The following PLCB1 variants were observed in gnomAD, a reference collection of about 807,000 sequenced individuals.
PLCB1 encodes phospholipase C beta 1, also known as 1-phosphatidylinositol 4,5-bisphosphate phosphodiesterase beta-1.
Under a neutral mutation model 161.8 loss-of-function variants are expected in PLCB1, and 46 were observed. The ratio of observed to expected loss-of-function variants is 0.28; its 90% CI spans 0.22 to 0.36. PLCB1 has a LOEUF of 0.36. Among genes scored for constraint, PLCB1 ranks in the 10% least tolerant of loss-of-function variants. PLCB1 has a pLI of 1.00. For synonymous variants in PLCB1, 517 were observed against 503.7 expected (o/e 1.03, Z -0.35); for missense variants, 1,016 against 1,472.5 (o/e 0.69, Z 5.07).
At chr20:8,697,864 C>T in intron 11 of PLCB1, 81 bp downstream of exon 11, 1 of 1,277,792 alleles carries the variant, frequency 7.8e-7, no homozygotes, top group African/African-American at 1.5e-5. Flanking sequence ...GGTAGAAAGT[C>T]CCAGTGGTCA....
At chr20:8,672,392 T>G (rs73598298) in intron 9 of PLCB1, among the ~76,000 whole-genome samples, 11,901 of 139,216 alleles carry the variant, frequency 0.085, 645 homozygotes, top group East Asian at 0.17. Context: ...CACTTTCCTG[T>G]TATACTCTTT....
intron 2 of PLCB1, among the ~76,000 whole-genome samples, chr20:8,176,990 A>G (rs957054476): frequency 1.3e-5 from 2 of 152,298 alleles, no homozygotes; most frequent in East Asian, 3.9e-4. Context: ...AATCAGTAGT[A>G]TAATATTATG....
chr20:8,795,705 A>G (rs1420291407), intron 31 of PLCB1, among the ~76,000 whole-genome samples: 2 of 152,114 alleles, frequency 1.3e-5, no homozygotes, highest in African/African-American at 4.8e-5. Flanking sequence ...GGGAAACCCC[A>G]TCTCTACCAA....
In PLCB1 at chr20:8,410,795, A is replaced by T. The variant is rs141888258; in HGVS notation, c.246+39345A>T. 1.6e-4 allele frequency among the ~76,000 whole-genome samples: 25 copies of T among 152,282 alleles called. No individual in the cohort carries two copies. In the East Asian group the frequency reaches 4.1e-3, roughly 25 times the overall value. On this transcript the variant is annotated intron_variant, in intron 3 of 31. Transcript: ENST00000338037. ...ATCTTGAGAGGAAAAGATCATCCTG[A>T]ATTACCCAGGTGTGTCCTAAATCCA... is the stretch of plus-strand genomic sequence containing the variant.
At chr20:8,412,448 C>T (rs1979086839) in intron 3 of PLCB1, among the ~76,000 whole-genome samples, 1 of 152,206 alleles carries the variant, frequency 6.6e-6, no homozygotes, top group Admixed American at 6.5e-5. Context: ...TCATTTTCCT[C>T]TTCTATCTGA....
intron 31 of PLCB1, among the ~76,000 whole-genome samples, chr20:8,852,036 A>C (rs1986906743): frequency 6.6e-6 from 1 of 152,208 alleles, no homozygotes; most frequent in Admixed American, 6.5e-5. Flanking sequence ...AACAACAAAA[A>C]AAGAAGCCAG....
At chr20:8,286,859 T>A (rs1436571208) in intron 2 of PLCB1, among the ~76,000 whole-genome samples, 1 of 152,162 alleles carries the variant, frequency 6.6e-6, no homozygotes, top group Non-Finnish European at 1.5e-5. Context: ...CCTGTTCTCC[T>A]TGTAAGTAAG....
At chr20:8,462,091 T>C (rs999989946) in intron 3 of PLCB1, among the ~76,000 whole-genome samples, 6 of 152,090 alleles carry the variant, frequency 3.9e-5, no homozygotes, top group Non-Finnish European at 8.8e-5. Flanking sequence ...TAAACGTATA[T>C]ATGTATTTAC....
chr20:8,360,147 C>T (rs1032535178), intron 2 of PLCB1, among the ~76,000 whole-genome samples: 5 of 152,212 alleles, frequency 3.3e-5, no homozygotes, highest in Admixed American at 1.3e-4. Context: ...AATTACACCT[C>T]GAGTTGCTTC....
chr20:8,508,564 C>T (rs1019248830), intron 3 of PLCB1, among the ~76,000 whole-genome samples: 5 of 151,994 alleles, frequency 3.3e-5, no homozygotes, highest in South Asian at 2.1e-4. Context: ...TATGTAATAC[C>T]GCAGAGGCTA....
At chr20:8,772,742 G>T (rs1213639944) in intron 26 of PLCB1, among the ~76,000 whole-genome samples, 1 of 152,050 alleles carries the variant, frequency 6.6e-6, no homozygotes, top group East Asian at 1.9e-4. Flanking sequence ...AGACCAGCCT[G>T]ACCAACATGG....
chr20:8,351,977 T>C (rs1306927884), intron 2 of PLCB1, among the ~76,000 whole-genome samples: 1 of 152,082 alleles, frequency 6.6e-6, no homozygotes, highest in Non-Finnish European at 1.5e-5. Flanking sequence ...GATCTAGCAA[T>C]TGTGCTCCTA....
At chr20:8,593,653 T>A (rs1239957911) in intron 3 of PLCB1, among the ~76,000 whole-genome samples, 1 of 152,018 alleles carries the variant, frequency 6.6e-6, no homozygotes, top group Non-Finnish European at 1.5e-5. Context: ...TTAGATTTTT[T>A]ATTTTTATTT....
intron 2 of PLCB1, among the ~76,000 whole-genome samples, chr20:8,210,026 TG>T (rs1237092681): frequency 6.6e-6 from 1 of 151,996 alleles, no homozygotes; most frequent in Non-Finnish European, 1.5e-5. Context: ...TTTGTAGAGA[TG>T]GGGTATTATT....
intron 3 of PLCB1, among the ~76,000 whole-genome samples, chr20:8,580,087 C>T (rs1385629117): frequency 6.6e-6 from 1 of 152,066 alleles, no homozygotes; most frequent in East Asian, 1.9e-4. Context: ...GGTATGTGGG[C>T]TCTGGATTGG....
chr20:8,630,250 C>G (rs2024611), intron 4 of PLCB1, among the ~76,000 whole-genome samples: 1 of 151,890 alleles, frequency 6.6e-6, no homozygotes, highest in African/African-American at 2.4e-5. Context: ...CCATGCCCAG[C>G]TAATTTTTGT....
intron 3 of PLCB1, among the ~76,000 whole-genome samples, chr20:8,624,992 A>G (rs1038965967): frequency 6.6e-6 from 1 of 152,200 alleles, no homozygotes; most frequent in Non-Finnish European, 1.5e-5. Flanking sequence ...AGTTGAGTCT[A>G]TAAGAAATAC....
intron 2 of PLCB1, among the ~76,000 whole-genome samples, chr20:8,273,991 G>A (rs8123918): frequency 0.19 from 29,282 of 152,118 alleles, 3,339 homozygotes; most frequent in Non-Finnish European, 0.26. Flanking sequence ...GAAAGTAATA[G>A]GAAGATATAG....
chr20:8,865,471 T>C (rs1358074393), intron 31 of PLCB1, among the ~76,000 whole-genome samples: 3 of 152,188 alleles, frequency 2.0e-5, no homozygotes, highest in Non-Finnish European at 4.4e-5. Flanking sequence ...CAACACAAAA[T>C]ATGTATGTGA....
Sources: gnomAD v4.1 joint callset for allele counts (sites outside exome capture counted in the v4.1 genomes callset) on GRCh38, gnomAD v4.1.1 for gene constraint, MANE v1.5 for transcripts, NCBI Gene and HGNC (gene_info 2026-07-23, HGNC 2026-07-21) for gene names.